Variants in KDM5A observed in about 807,000 individuals in gnomAD.
KDM5A encodes the protein lysine-specific demethylase 5A.
A neutral mutation model predicts 193.5 loss-of-function variants in KDM5A; 42 were observed. The observed-to-expected ratio is 0.22, with a 90% CI of 0.17 to 0.28. The LOEUF is 0.28. Ranked by LOEUF, KDM5A falls within the 10% of genes least tolerant of loss-of-function variation. The probability of loss-of-function intolerance (pLI) is 1.00; values close to 1 mark genes in which losing one functional copy is unlikely to be tolerated. For missense variants in KDM5A, 1,692 were observed against 2,055.1 expected, an observed-to-expected ratio of 0.82 and a Z score of 3.42; for synonymous variants, 796 against 718.1, an observed-to-expected ratio of 1.11 and a Z score of -1.73.
chr12:388,325 CAA>C (rs753373832), intron 1 of KDM5A: 3 of 455,496 alleles, frequency 6.6e-6, no homozygotes, highest in African/African-American at 4.0e-5. Context: ...TTCCCTACGT[CAA>C]GAGATTTCAA....
chr12:378,792 A>G (rs1944539669), intron 3 of KDM5A, among the ~76,000 whole-genome samples: 1 of 152,078 alleles, frequency 6.6e-6, no homozygotes, highest in Non-Finnish European at 1.5e-5. Context: ...CCCCGTCTCT[A>G]CTAAAAAATA....
At chr12:381,214 G>C (rs940715066) in intron 3 of KDM5A, among the ~76,000 whole-genome samples, 2 of 151,942 alleles carry the variant, frequency 1.3e-5, no homozygotes, top group Non-Finnish European at 2.9e-5. Context: ...GGTTGGTCTC[G>C]AACTCCCGAC....
At chr12:319,424 A>G (rs1220041380) in intron 18 of KDM5A, among the ~76,000 whole-genome samples, 1 of 152,212 alleles carries the variant, frequency 6.6e-6, no homozygotes, top group Non-Finnish European at 1.5e-5. Context: ...AACACGGGGT[A>G]TAAGGGAAAT....
At chr12:351,119 T>A (rs1453589789) in intron 9 of KDM5A, among the ~76,000 whole-genome samples, 1 of 152,214 alleles carries the variant, frequency 6.6e-6, no homozygotes, top group Non-Finnish European at 1.5e-5. Flanking sequence ...ATGCCTTTTA[T>A]GATTTTAACA....
intron 19 of KDM5A, among the ~76,000 whole-genome samples, chr12:314,861 C>G (rs565945556): frequency 6.6e-6 from 1 of 152,186 alleles, no homozygotes; most frequent in African/African-American, 2.4e-5. Context: ...ACATAGAATA[C>G]AAGAGGAAGA....
At chr12:352,460 T>C in intron 8 of KDM5A, 136 bp from the exon 9 acceptor site, 1 of 770,208 alleles carries the variant, frequency 1.3e-6, no homozygotes, top group Non-Finnish European at 2.2e-6. Flanking sequence ...AAAACAAATA[T>C]CAGCTACTTA....
chr12:286,259 A>C, intron 27 of KDM5A: 1 of 471,796 alleles, frequency 2.1e-6, no homozygotes, highest in South Asian at 1.6e-5. Context: ...TTAACCAATT[A>C]TAACAGTCAA....
chr12:285,450 C>T lies in KDM5A; in HGVS notation c.*6G>A. The T allele has an allele frequency of 6.2e-7, 1 of 1,613,120 alleles. No individual in the cohort carries two copies. Among genetic ancestry groups the T allele is most frequent in the Non-Finnish European group, 8.5e-7 (1 of 1,179,176 alleles). On this transcript the variant is annotated 3_prime_UTR_variant, in exon 28 of 28. Transcript: ENST00000399788. ...CCCCCCATGTCCCAAACTAACCAAG[C>T]ATCTGCTAACTGGTCTCTTTAAGAT...
chr12:355,471 T>C (rs1453321907), intron 6 of KDM5A, among the ~76,000 whole-genome samples: 1 of 152,194 alleles, frequency 6.6e-6, no homozygotes, highest in African/African-American at 2.4e-5. Context: ...AAGATTCTAA[T>C]CCAGTCACGT....
intron 26 of KDM5A, 38 bp from the exon 27 acceptor site, chr12:293,207 G>C: frequency 1.9e-6 from 3 of 1,562,244 alleles, no homozygotes; most frequent in Non-Finnish European, 2.6e-6. Flanking sequence ...TTTAAAGCAA[G>C]ACAGTTAAAA....
chr12:296,245 T>G (rs941299164), intron 25 of KDM5A, among the ~76,000 whole-genome samples: 1 of 149,208 alleles, frequency 6.7e-6, no homozygotes, highest in African/African-American at 2.5e-5. Flanking sequence ...TCTCTTGAAC[T>G]AGGCAGGGGG....
chr12:360,728 T>C (rs1012561170), intron 5 of KDM5A, among the ~76,000 whole-genome samples: 1 of 152,236 alleles, frequency 6.6e-6, no homozygotes, highest in African/African-American at 2.4e-5. Context: ...AAGAAACTTC[T>C]GTGTGAAAAG....
chr12:321,641 C>T lies in KDM5A; in HGVS notation c.2427-532G>A, dbSNP rs577574832. ...AAATTTACAAAGTAATTTAAAAACC[C>T]AATGTGAACTGCTAGAGAAAAGCCA... On this transcript the variant is annotated intron_variant, in intron 17 of 27. Transcript: ENST00000399788. Among the ~76,000 whole-genome samples, 5 of 152,204 alleles carry T rather than the reference C, an allele frequency of 3.3e-5. No individual in the cohort carries two copies. The South Asian group carries it at 8.3e-4, about 25-fold the overall frequency.
At chr12:326,864 C>CAAAAAAAAAA (rs61571425) in intron 14 of KDM5A, among the ~76,000 whole-genome samples, 1 of 86,010 alleles carries the variant, frequency 1.2e-5, no homozygotes, top group Non-Finnish European at 2.2e-5. Context: ...GACTCTGTCT[C>CAAAAAAAAAA]AAAAAAAAAA....
chr12:387,037 A>G (rs1370807659), intron 1 of KDM5A, among the ~76,000 whole-genome samples: 2 of 152,218 alleles, frequency 1.3e-5, no homozygotes, highest in East Asian at 3.8e-4. Flanking sequence ...TTTATGTTAC[A>G]CAAATGTTTT....
chr12:362,081 T>G (rs1944300438), intron 5 of KDM5A, among the ~76,000 whole-genome samples: 1 of 152,176 alleles, frequency 6.6e-6, no homozygotes, highest in African/African-American at 2.4e-5. Flanking sequence ...ATCTCTATAC[T>G]ACATTGTTTC....
intron 27 of KDM5A, among the ~76,000 whole-genome samples, chr12:288,440 G>A (rs1943249166): frequency 6.6e-6 from 1 of 152,092 alleles, no homozygotes; most frequent in Non-Finnish European, 1.5e-5. Flanking sequence ...TTTAGATCTG[G>A]GGGAAATGTC....
At chr12:298,286 T>C (rs1394356656) in intron 24 of KDM5A, among the ~76,000 whole-genome samples, 3 of 152,194 alleles carry the variant, frequency 2.0e-5, no homozygotes, top group Admixed American at 6.5e-5. Context: ...AGACACATCA[T>C]ACAAGAGAAC....
At chr12:304,974 T>TA (rs1189100706) in intron 24 of KDM5A, among the ~76,000 whole-genome samples, 3 of 152,176 alleles carry the variant, frequency 2.0e-5, no homozygotes, top group African/African-American at 7.2e-5. Flanking sequence ...CTGCTCTTAG[T>TA]CACCCTATAT....
Sources: allele counts gnomAD v4.1 joint callset (sites outside exome capture counted in the v4.1 genomes callset), GRCh38; gene constraint gnomAD v4.1.1; transcripts MANE v1.5; gene names NCBI Gene and HGNC (gene_info 2026-07-23, HGNC 2026-07-21).